The following SORCS2 variants were observed in gnomAD, a reference collection of about 807,000 sequenced individuals.
SORCS2 encodes sortilin related VPS10 domain containing receptor 2.
In SORCS2, 100 loss-of-function variants were observed where a neutral mutation model predicts 141.6. The ratio of observed to expected loss-of-function variants is 0.71; its 90% CI spans 0.60 to 0.83. The LOEUF is 0.83. Among genes scored for constraint, SORCS2 ranks in the 40% least tolerant of loss-of-function variants. SORCS2 has a pLI of 0.00. For missense variants in SORCS2, 1,646 were observed against 1,560.2 expected, an observed-to-expected ratio of 1.05 and a Z score of -0.93; for synonymous variants, 789 against 676.9, an observed-to-expected ratio of 1.17 and a Z score of -2.57.
intron 3 of SORCS2, among the ~76,000 whole-genome samples, chr4:7,612,464 G>C (rs1718472448): frequency 6.6e-6 from 1 of 152,134 alleles, no homozygotes; most frequent in African/African-American, 2.4e-5. Context: ...TCTCCTTAAG[G>C]ACAGGCCTCT....
chr4:7,268,754 A>G (rs996044477), intron 1 of SORCS2, among the ~76,000 whole-genome samples: 3 of 152,180 alleles, frequency 2.0e-5, no homozygotes, highest in East Asian at 3.8e-4. Context: ...GGCTTCCAGG[A>G]GGAGGTGATG....
At chr4:7,235,691 G>A (rs1712218856) in intron 1 of SORCS2, among the ~76,000 whole-genome samples, 1 of 152,202 alleles carries the variant, frequency 6.6e-6, no homozygotes, top group African/African-American at 2.4e-5. Context: ...GAGAGGCCAG[G>A]CCTTGATTGT....
At chr4:7,510,775 G>C (rs1476533200) in intron 2 of SORCS2, among the ~76,000 whole-genome samples, 1 of 152,228 alleles carries the variant, frequency 6.6e-6, no homozygotes, top group Non-Finnish European at 1.5e-5. Flanking sequence ...ATGGACCGAC[G>C]CTTGCGCATC....
intron 5 of SORCS2, among the ~76,000 whole-genome samples, chr4:7,658,931 C>T (rs1721971124): frequency 1.3e-5 from 2 of 152,218 alleles, no homozygotes; most frequent in South Asian, 4.1e-4. Flanking sequence ...CTGCCCCCAA[C>T]GCTGAGTGGC....
chr4:7,676,000 T>A (rs373137067), intron 8 of SORCS2, 50 bp from the exon 9 acceptor site: 4 of 1,542,824 alleles, frequency 2.6e-6, no homozygotes, highest in Non-Finnish European at 2.6e-6. Context: ...TCCTCCCTCG[T>A]GCAGCCCCCA....
At chr4:7,528,402 G>GTTT (rs35199702) in intron 2 of SORCS2, among the ~76,000 whole-genome samples, 2 of 147,562 alleles carry the variant, frequency 1.4e-5, no homozygotes, top group Non-Finnish European at 3.0e-5. Context: ...CAGCTGCTAC[G>GTTT]TTTTTTTTTT....
chr4:7,295,241 G>A (rs2108887346), intron 1 of SORCS2, among the ~76,000 whole-genome samples: 1 of 116,150 alleles, frequency 8.6e-6, no homozygotes, highest in Non-Finnish European at 1.7e-5. Flanking sequence ...CCCCTCCAGA[G>A]GAGACACCAT....
chr4:7,572,699 A>G (rs1037063690), intron 3 of SORCS2, among the ~76,000 whole-genome samples: 3 of 152,204 alleles, frequency 2.0e-5, no homozygotes, highest in African/African-American at 4.8e-5. Flanking sequence ...ATTTAACAGG[A>G]CTGCAAAATT....
Position 7,737,397 on chromosome 4 carries a change from T to C in SORCS2, c.3415+225T>C, listed in dbSNP as rs138753189. 9.9e-5 allele frequency among the ~76,000 whole-genome samples: 15 copies of C among 151,958 alleles called. No homozygotes were observed. The East Asian group carries it at 2.5e-3, about 26-fold the overall frequency. On this transcript the variant is annotated intron_variant, in intron 26 of 26. Coordinates refer to ENST00000507866, the MANE Select transcript of SORCS2 (RefSeq NM_020777.3). ...GCCGGCAGAGATGAAATCTGAGACA[T>C]GTGGACGCTGAGGGCCCCATCCCTG...
At chr4:7,300,087 G>C (rs1330357686) in intron 1 of SORCS2, among the ~76,000 whole-genome samples, 3 of 152,310 alleles carry the variant, frequency 2.0e-5, no homozygotes, top group Middle Eastern at 6.8e-3. Flanking sequence ...CCCTCCGCCT[G>C]CTGAGGACCG....
At chr4:7,226,332 G>A (rs1728989164) in intron 1 of SORCS2, among the ~76,000 whole-genome samples, 1 of 152,182 alleles carries the variant, frequency 6.6e-6, no homozygotes, top group Admixed American at 6.5e-5. Context: ...TGGAACCTGG[G>A]CCTGTCTGAC....
At chr4:7,347,365 C>T (rs140748579) in intron 1 of SORCS2, among the ~76,000 whole-genome samples, 100 of 152,362 alleles carry the variant, frequency 6.6e-4, no homozygotes, top group African/African-American at 1.8e-3. Flanking sequence ...CCATGGGCCA[C>T]GCCTCGTGCC....
intron 1 of SORCS2, among the ~76,000 whole-genome samples, chr4:7,353,577 G>A (rs1462903507): frequency 1.3e-5 from 2 of 152,210 alleles, no homozygotes; most frequent in Non-Finnish European, 2.9e-5. Context: ...AGCAGAAGAT[G>A]GGTGTGAGTG....
chr4:7,661,202 C>T (rs1324649098), intron 5 of SORCS2, among the ~76,000 whole-genome samples: 1 of 151,278 alleles, frequency 6.6e-6, no homozygotes, highest in Non-Finnish European at 1.5e-5. Context: ...ACTCCCATGG[C>T]AGGAAGAAAC....
intron 1 of SORCS2, among the ~76,000 whole-genome samples, chr4:7,271,230 T>C (rs898238265): frequency 3.9e-5 from 6 of 152,212 alleles, no homozygotes; most frequent in Non-Finnish European, 4.4e-5. Flanking sequence ...GGGATGTCGC[T>C]CCTCCACTCT....
At chr4:7,621,555 TTGTG>T (rs761666536) in intron 3 of SORCS2, among the ~76,000 whole-genome samples, 3 of 150,166 alleles carry the variant, frequency 2.0e-5, no homozygotes, top group Non-Finnish European at 3.0e-5. Flanking sequence ...GTGTGTGTGT[TTGTG>T]TGTCTGTGTG....
intron 1 of SORCS2, among the ~76,000 whole-genome samples, chr4:7,235,839 G>A (rs755479285): frequency 6.6e-6 from 1 of 152,238 alleles, no homozygotes; most frequent in Non-Finnish European, 1.5e-5. Context: ...CTGGATTCCC[G>A]GGCAGCTTAT....
intron 3 of SORCS2, among the ~76,000 whole-genome samples, chr4:7,618,817 T>C (rs957587134): frequency 1.4e-5 from 2 of 143,884 alleles, no homozygotes; most frequent in East Asian, 2.1e-4. Context: ...CTTTTACTTA[T>C]TGTCTGAGCC....
At chr4:7,523,452 G>A (rs1733468522) in intron 2 of SORCS2, among the ~76,000 whole-genome samples, 1 of 152,178 alleles carries the variant, frequency 6.6e-6, no homozygotes, top group Non-Finnish European at 1.5e-5. Flanking sequence ...GCCAGTAGAG[G>A]CTTGCGTCCC....
Sources: allele counts gnomAD v4.1 joint callset (sites outside exome capture counted in the v4.1 genomes callset), GRCh38; gene constraint gnomAD v4.1.1; transcripts MANE v1.5; gene names NCBI Gene and HGNC (gene_info 2026-07-23, HGNC 2026-07-21).